Variants in AFAP1L2 observed in about 807,000 individuals in gnomAD.
AFAP1L2 encodes the protein actin filament-associated protein 1-like 2.
Under a neutral mutation model 99.3 loss-of-function variants are expected in AFAP1L2, and 46 were observed. That is an observed-to-expected ratio of 0.46 (90% CI 0.37 to 0.59). AFAP1L2 has a LOEUF of 0.59. Ranked by LOEUF, AFAP1L2 falls within the 20% of genes least tolerant of loss-of-function variation. The pLI is 0.00. For missense variants in AFAP1L2, 959 were observed against 1,034.9 expected, an observed-to-expected ratio of 0.93 and a Z score of 1.01; for synonymous variants, 397 against 419.1, an observed-to-expected ratio of 0.95 and a Z score of 0.64.
At chr10:114,352,490 A>AAAAAAAAAAAAAAC (rs2050685036) in intron 1 of AFAP1L2, among the ~76,000 whole-genome samples, 1 of 150,100 alleles carries the variant, frequency 6.7e-6, no homozygotes, top group African/African-American at 2.4e-5. Flanking sequence ...AAAAAAAAAA[A>AAAAAAAAAAAAAAC]AAAAAAAAAG....
chr10:114,343,140 T>C (rs1031487876), intron 1 of AFAP1L2, among the ~76,000 whole-genome samples: 8 of 152,186 alleles, frequency 5.3e-5, no homozygotes, highest in Admixed American at 2.6e-4. Context: ...CTGGAACAGA[T>C]GGGATTTTAA....
chr10:114,315,551 C>T lies in AFAP1L2; in HGVS notation c.612+9G>A. Reference sequence around the variant, plus strand: ...AGTCGGGGGACAAGACGACGTAAGGCAGACTGACCAGAAGCCTGTTGTCCT... The same window carrying T: ...AGTCGGGGGACAAGACGACGTAAGGTAGACTGACCAGAAGCCTGTTGTCCT... On this transcript the variant is annotated intron_variant, in intron 6 of 18. Coordinates refer to ENST00000304129, the MANE Select transcript of AFAP1L2 (RefSeq NM_001001936.3). The T allele has an allele frequency of 6.2e-7, 1 of 1,613,788 alleles. No individual in the cohort carries two copies. Among genetic ancestry groups the T allele is most frequent in the Non-Finnish European group, 8.5e-7 (1 of 1,179,844 alleles).
chr10:114,338,202 G>A (rs2048273480), intron 2 of AFAP1L2, among the ~76,000 whole-genome samples: 2 of 152,160 alleles, frequency 1.3e-5, no homozygotes, highest in African/African-American at 4.8e-5. Flanking sequence ...ATGTAGCCTG[G>A]CAGATTCAGG....
chr10:114,327,147 T>TATATATATATATATATATA (rs2046408453), intron 4 of AFAP1L2, among the ~76,000 whole-genome samples: 4 of 54,568 alleles, frequency 7.3e-5, no homozygotes, highest in East Asian at 2.3e-3. Flanking sequence ...TTATATATAT[T>TATATATATATATATATATA]TATATATATA....
At chr10:114,346,625 T>TC (rs1347083986) in intron 1 of AFAP1L2, among the ~76,000 whole-genome samples, 8 of 152,222 alleles carry the variant, frequency 5.3e-5, no homozygotes, top group Middle Eastern at 6.8e-3. Context: ...ATTTCCTTTC[T>TC]CCCCCACCAT....
chr10:114,384,318 C>T (rs1204616707), intron 1 of AFAP1L2, among the ~76,000 whole-genome samples: 1 of 151,346 alleles, frequency 6.6e-6, no homozygotes, highest in Non-Finnish European at 1.5e-5. Flanking sequence ...GGCATCTTGT[C>T]TGTCGTCCCC....
chr10:114,282,341 C>T, the AFAP1L2 span, among the ~76,000 whole-genome samples: 2 of 152,156 alleles, frequency 1.3e-5, no homozygotes, highest in Non-Finnish European at 2.9e-5. Flanking sequence ...TTGAAACATT[C>T]CCTACTCTAT....
downstream of AFAP1L2, chr10:114,291,347 T>A: frequency 7.6e-7 from 1 of 1,312,580 alleles, no homozygotes; most frequent in Non-Finnish European, 1.0e-6. Flanking sequence ...GTGCCCCAGG[T>A]CCTTAGAATG....
intron 9 of AFAP1L2, 124 bp from the exon 10 acceptor site, chr10:114,308,033 C>T (rs941519448): frequency 6.1e-5 from 47 of 769,142 alleles, no homozygotes; most frequent in South Asian, 9.1e-5. Context: ...TACATATGCG[C>T]GCACATATGC....
At chr10:114,347,103 A>G (rs1475243166) in intron 1 of AFAP1L2, among the ~76,000 whole-genome samples, 1 of 152,212 alleles carries the variant, frequency 6.6e-6, no homozygotes, top group African/African-American at 2.4e-5. Flanking sequence ...CGCTTTATAT[A>G]GAAAGACTGT....
At chr10:114,368,612 G>A (rs778704110) in intron 1 of AFAP1L2, among the ~76,000 whole-genome samples, 8 of 151,964 alleles carry the variant, frequency 5.3e-5, no homozygotes, top group Non-Finnish European at 1.2e-4. Flanking sequence ...ATGGGGTTTT[G>A]CCATGTTGCC....
At chr10:114,286,820 G>A in the AFAP1L2 span, among the ~76,000 whole-genome samples, 138,073 of 152,050 alleles carry the variant, frequency 0.91, 62,835 homozygotes, top group East Asian at 0.98. Flanking sequence ...CGATTTTATT[G>A]TTGTTGTTAC....
intron 1 of AFAP1L2, among the ~76,000 whole-genome samples, chr10:114,395,961 C>G (rs980431108): frequency 6.6e-6 from 1 of 152,210 alleles, no homozygotes; most frequent in Non-Finnish European, 1.5e-5. Context: ...AACATCAATG[C>G]TTTCCCCCAA....
At chr10:114,316,450 C>T (rs759323893) in intron 5 of AFAP1L2, among the ~76,000 whole-genome samples, 80 of 152,230 alleles carry the variant, frequency 5.3e-4, no homozygotes, top group Admixed American at 5.9e-4. Context: ...TCCACTCATA[C>T]CCTCCACAGA....
intron 6 of AFAP1L2, among the ~76,000 whole-genome samples, chr10:114,314,686 C>A (rs2043829408): frequency 6.6e-6 from 1 of 152,196 alleles, no homozygotes; most frequent in South Asian, 2.1e-4. Flanking sequence ...CGTGGAATTT[C>A]AAATCAGGAC....
At position 114,317,664 on chromosome 10, in the gene AFAP1L2, G is replaced by T. The variant is rs1474641692; in HGVS notation, c.407-1899C>A. The stretch of plus-strand genomic sequence containing the variant: ...ACTTGAGCTCAGGAGTTCAAGACCA[G>T]CCTGGGCAGCATGGCAGAACCCCAT... On this transcript the variant is annotated intron_variant, in intron 5 of 18. Coordinates refer to ENST00000304129, the MANE Select transcript of AFAP1L2 (RefSeq NM_001001936.3). Among the ~76,000 whole-genome samples the T allele has an allele frequency of 2.6e-5, 4 of 152,220 alleles. No individual in the cohort carries two copies. In the East Asian group the frequency reaches 7.7e-4, roughly 29 times the overall value.
intron 6 of AFAP1L2, 69 bp downstream of exon 6, chr10:114,315,491 T>A (rs2043972408): frequency 8.5e-6 from 13 of 1,531,856 alleles, no homozygotes; most frequent in Non-Finnish European, 9.8e-6. Flanking sequence ...ATCCTGTCCC[T>A]CCTTCCCTGT....
rs558814517 is a variant in AFAP1L2, at chr10:114,390,885, C to T, written c.16+13555G>A. Reference sequence around the variant, plus strand: ...TCTACTGGGTGGTGGTTTTGGTTGACCTGCCTCTGATGACTAAAGAAGCCC... The same window carrying T: ...TCTACTGGGTGGTGGTTTTGGTTGATCTGCCTCTGATGACTAAAGAAGCCC... On this transcript the variant is annotated intron_variant, in intron 1 of 18. Coordinates refer to ENST00000304129, the MANE Select transcript of AFAP1L2 (RefSeq NM_001001936.3). Among the ~76,000 whole-genome samples the T allele has an allele frequency of 9.8e-5, 15 of 152,292 alleles. No individual in the cohort carries two copies. The South Asian group carries it at 3.1e-3, about 32-fold the overall frequency.
At chr10:114,299,201 A>G in intron 16 of AFAP1L2, 59 bp downstream of exon 16, 1 of 1,595,200 alleles carries the variant, frequency 6.3e-7, no homozygotes, top group East Asian at 2.2e-5. Context: ...TTCCGCCAAA[A>G]AGTTAAGCCT....
Sources: allele counts gnomAD v4.1 joint callset (sites outside exome capture counted in the v4.1 genomes callset), GRCh38; gene constraint gnomAD v4.1.1; transcripts MANE v1.5; gene names NCBI Gene and HGNC (gene_info 2026-07-23, HGNC 2026-07-21).